SLC41A3: variants seen among roughly 807,000 people sequenced by gnomAD.
SLC41A3 encodes SLC41A1-like 2.
SLC41A3 carries 44 observed loss-of-function variants against 45.4 expected under a neutral mutation model. The ratio of observed to expected loss-of-function variants is 0.97; its 90% CI spans 0.76 to 1.25. The LOEUF is 1.25. SLC41A3 is among the 50% of genes most tolerant of loss of function. The pLI is 0.00. For synonymous variants in SLC41A3, 256 were observed against 252.4 expected (o/e 1.01, Z -0.13); for missense variants, 550 against 600.6 (o/e 0.92, Z 0.88).
chr3:126,022,781 T>C lies in SLC41A3; in HGVS notation c.745+5A>G, dbSNP rs1232276113. 6.2e-7 allele frequency: 1 copy of C among 1,614,050 alleles called. No homozygotes were observed. Among genetic ancestry groups the C allele is most frequent in the African/African-American group, 1.3e-5 (1 of 74,926 alleles). ...TTTGTGTCTATAGAAGAAGACACTC[T>C]TTACCTTTGTGTCTGTAGAAGAAGC... is the stretch of plus-strand genomic sequence containing the variant. On this transcript the variant is annotated splice_donor_5th_base_variant and intron_variant, in intron 6 of 10. Coordinates refer to ENST00000360370, the MANE Select transcript of SLC41A3 (RefSeq NM_017836.4).
chr3:126,050,855 C>A, intron 3 of SLC41A3, 88 bp downstream of exon 3: 2 of 1,475,986 alleles, frequency 1.4e-6, no homozygotes, highest in Non-Finnish European at 1.8e-6. Context: ...AGAATCCAAC[C>A]CACCGCCCAC....
At chr3:126,092,563 A>C (rs1945509800) in intron 1 of SLC41A3, 1 of 152,738 alleles carries the variant, frequency 6.5e-6, no homozygotes, top group East Asian at 1.9e-4. Context: ...TAATTCCTCC[A>C]GCGCCGCTGG....
upstream of SLC41A3, among the ~76,000 whole-genome samples, chr3:126,085,801 T>C (rs1423307706): frequency 8.2e-6 from 1 of 121,594 alleles, no homozygotes; most frequent in Admixed American, 8.0e-5. Flanking sequence ...CCTGGGTGAC[T>C]GGGGGCCTTG....
intron 4 of SLC41A3, among the ~76,000 whole-genome samples, chr3:126,027,179 A>C (rs73196287): frequency 0.11 from 16,258 of 152,088 alleles, 1,169 homozygotes; most frequent in Non-Finnish European, 0.16. Context: ...ATAATCCCCG[A>C]TGTTGGAGAT....
At chr3:126,047,926 C>T (rs962015737) in intron 3 of SLC41A3, among the ~76,000 whole-genome samples, 53 of 152,144 alleles carry the variant, frequency 3.5e-4, no homozygotes, top group African/African-American at 1.2e-3. Context: ...CATTAAAGGA[C>T]ATAAGGCAAA....
intron 1 of SLC41A3, among the ~76,000 whole-genome samples, chr3:126,072,336 G>A (rs527407108): frequency 1.4e-5 from 2 of 142,436 alleles, no homozygotes; most frequent in South Asian, 4.4e-4. Context: ...ATATAGATTA[G>A]ACTGGTAATA....
At chr3:126,051,551 G>C (rs773685794) in intron 2 of SLC41A3, among the ~76,000 whole-genome samples, 10 of 152,288 alleles carry the variant, frequency 6.6e-5, no homozygotes, top group East Asian at 3.9e-4. Flanking sequence ...GTGGGGCTCA[G>C]GGTTTTTAAA....
In SLC41A3 at chr3:126,033,680, T is replaced by C. The variant is rs1340387356; in HGVS notation, c.382-2A>G. ...GTCATCAATTTGTCCAGTGTTGGCC[T>C]AGAATGAAGAGAAAAGGACAAAGGT... On this transcript the variant is annotated splice_acceptor_variant, in intron 3 of 10. Coordinates refer to ENST00000360370, the MANE Select transcript of SLC41A3 (RefSeq NM_017836.4). LOFTEE classifies it high-confidence loss of function. The C allele has an allele frequency of 6.2e-7, 1 of 1,612,040 alleles. No individual in the cohort carries two copies. Among genetic ancestry groups the C allele is most frequent in the Non-Finnish European group, 8.5e-7 (1 of 1,179,582 alleles).
In SLC41A3 at chr3:126,026,339, G is replaced by A. The variant is rs1941341245; in HGVS notation, c.594C>T (p.Ala198=). The part of the protein sequence containing the change: ...SVLTAFLAAF[A]LGVLMVCIVI... ...CACAGCTGGGGCATGGCTCACCCAG[G>A]GCAAAGGCTGCAAGGAAGGCAGTGA... Residue 198 remains alanine, a synonymous_variant, in exon 5 of 11, where the codon GCC becomes GCT. Coordinates refer to ENST00000360370, the MANE Select transcript of SLC41A3 (RefSeq NM_017836.4). This position sits in a 1 kb window ranked among gnomAD's most constrained non-coding sequence, Gnocchi z 4.2. 7.7e-6 allele frequency: 12 copies of A among 1,561,142 alleles called. No individual in the cohort carries two copies. The highest frequency in any genetic ancestry group is 1.0e-5 in the Non-Finnish European group (12 of 1,151,848).
chr3:126,097,049 G>A (rs62263501), intron 1 of SLC41A3, among the ~76,000 whole-genome samples: 7,295 of 152,300 alleles, frequency 0.048, 244 homozygotes, highest in Non-Finnish European at 0.07. Flanking sequence ...GAAGAGACCC[G>A]AGCAAGCACG....
intron 1 of SLC41A3, among the ~76,000 whole-genome samples, chr3:126,069,365 G>A (rs1014982537): frequency 2.0e-5 from 3 of 152,106 alleles, no homozygotes; most frequent in Non-Finnish European, 2.9e-5. Flanking sequence ...TTCCAGGCAC[G>A]GAGTTCAAGG....
chr3:126,016,619 C>CTTTTCACTGAAAG (rs1030427859), intron 7 of SLC41A3, 112 bp downstream of exon 7: 8 of 1,367,762 alleles, frequency 5.8e-6, no homozygotes, highest in Non-Finnish European at 7.8e-6. Flanking sequence ...AAAGAGCCCA[C>CTTTTCACTGAAAG]AGCTACATTT....
intron 6 of SLC41A3, among the ~76,000 whole-genome samples, chr3:126,019,723 T>C (rs979777044): frequency 6.6e-6 from 1 of 152,074 alleles, no homozygotes; most frequent in Admixed American, 6.5e-5. Flanking sequence ...ATGCCAGGCA[T>C]CCTCTACACG....
intron 2 of SLC41A3, chr3:126,057,022 T>G: frequency 6.8e-6 from 7 of 1,021,930 alleles, no homozygotes; most frequent in Non-Finnish European, 8.2e-6. Context: ...TGCTGCCACC[T>G]CGCCCTGTAC....
chr3:126,010,499 T>C (rs1432934900), intron 9 of SLC41A3, among the ~76,000 whole-genome samples: 3 of 152,172 alleles, frequency 2.0e-5, no homozygotes, highest in Non-Finnish European at 4.4e-5. Context: ...AGAAGTCTGA[T>C]CTTTTTCACC....
intron 8 of SLC41A3, among the ~76,000 whole-genome samples, chr3:126,014,243 G>C (rs867064493): frequency 2.6e-5 from 4 of 151,928 alleles, no homozygotes; most frequent in Non-Finnish European, 5.9e-5. Context: ...TATTCGGCTT[G>C]GCCCATACAT....
At chr3:126,076,099 C>T (rs938096302) in intron 1 of SLC41A3, among the ~76,000 whole-genome samples, 3 of 151,974 alleles carry the variant, frequency 2.0e-5, no homozygotes, top group African/African-American at 7.3e-5. Context: ...GTTTAGTATC[C>T]CAAATATATA....
intron 3 of SLC41A3, among the ~76,000 whole-genome samples, chr3:126,046,543 T>A (rs944860795): frequency 6.6e-6 from 1 of 152,162 alleles, no homozygotes; most frequent in African/African-American, 2.4e-5. Context: ...ATGAATTAAC[T>A]TAACCAAGAA....
intron 9 of SLC41A3, among the ~76,000 whole-genome samples, chr3:126,009,372 G>A (rs1182943701): frequency 6.6e-6 from 1 of 152,230 alleles, no homozygotes; most frequent in East Asian, 1.9e-4. Flanking sequence ...GGCTCAAAAG[G>A]GGACCTCGGG....
Sources: gnomAD v4.1 joint callset for allele counts (sites outside exome capture counted in the v4.1 genomes callset) on GRCh38, gnomAD v4.1.1 for gene constraint, Gnocchi (gnomAD v3.1) non-coding constraint, MANE v1.5 for transcripts, NCBI Gene and HGNC (gene_info 2026-07-23, HGNC 2026-07-21) for gene names.